The following TMC1 variants were observed in gnomAD, a reference collection of about 807,000 sequenced individuals.
TMC1 encodes transmembrane channel-like protein 1.
TMC1 carries 84 observed loss-of-function variants against 105.8 expected under a neutral mutation model. That is an observed-to-expected ratio of 0.79 (90% CI 0.67 to 0.95). TMC1 has a LOEUF of 0.95. Ranked by LOEUF, TMC1 falls within the 40% of genes least tolerant of loss-of-function variation. The pLI, the probability that TMC1 is intolerant of heterozygous loss-of-function variation, is 0.00. For missense variants in TMC1, 817 were observed against 914.1 expected (o/e 0.89, Z 1.37); for synonymous variants, 315 against 311.5 (o/e 1.01, Z -0.12).
At chr9:72,766,088 T>C (rs1242339028) in intron 12 of TMC1, among the ~76,000 whole-genome samples, 1 of 152,168 alleles carries the variant, frequency 6.6e-6, no homozygotes, top group South Asian at 2.1e-4. Context: ...CTACCAGGCT[T>C]GTATAAAAAA....
At chr9:72,539,339 G>A (rs1823639191) in intron 1 of TMC1, among the ~76,000 whole-genome samples, 1 of 152,108 alleles carries the variant, frequency 6.6e-6, no homozygotes, top group Admixed American at 6.6e-5. Context: ...CTAGGAGATG[G>A]AGGTTTCAAT....
At chr9:72,598,654 T>C (rs979955777) in intron 2 of TMC1, among the ~76,000 whole-genome samples, 2 of 152,190 alleles carry the variant, frequency 1.3e-5, no homozygotes, top group Non-Finnish European at 2.9e-5. Context: ...ATCCTTGCCT[T>C]CTGCCTGCTA....
At chr9:72,779,908 A>G (rs1828064895) in intron 13 of TMC1, among the ~76,000 whole-genome samples, 1 of 152,186 alleles carries the variant, frequency 6.6e-6, no homozygotes, top group East Asian at 1.9e-4. Context: ...CAGAAAATTC[A>G]GAGAACCCCT....
intron 1 of TMC1, among the ~76,000 whole-genome samples, chr9:72,573,551 A>G (rs144856583): frequency 7.4e-4 from 112 of 152,306 alleles, no homozygotes; most frequent in African/African-American, 2.6e-3. Flanking sequence ...AAGAGAACAT[A>G]CCTTGCTTTA....
chr9:72,681,466 G>A (rs530668259), intron 5 of TMC1, among the ~76,000 whole-genome samples: 1 of 152,124 alleles, frequency 6.6e-6, no homozygotes, highest in South Asian at 2.1e-4. Context: ...TAGACTGATG[G>A]TGTCGTGAAA....
chr9:72,615,979 C>T (rs952165861), intron 2 of TMC1, among the ~76,000 whole-genome samples: 5 of 152,038 alleles, frequency 3.3e-5, no homozygotes, highest in African/African-American at 1.2e-4. Flanking sequence ...AACTCTTGAC[C>T]TCAGGTGATT....
chr9:72,797,240 A>G (rs1828386687), intron 17 of TMC1, among the ~76,000 whole-genome samples: 1 of 152,204 alleles, frequency 6.6e-6, no homozygotes. Flanking sequence ...ATGGGAAAAC[A>G]TTCAATGCTC....
Position 72,524,662 on chromosome 9 carries a change from G to A in TMC1, c.-428+2749G>A, listed in dbSNP as rs149941743. On this transcript the variant is annotated intron_variant, in intron 1 of 23. Transcript: ENST00000297784. The stretch of plus-strand genomic sequence containing the variant: ...GAAAGAAAACCGATAAACACAAAAT[G>A]TTGTATCCCATATAAGCATTCATTC... Among the ~76,000 whole-genome samples, 69 of 152,218 alleles carry A rather than the reference G, an allele frequency of 4.5e-4. 2 individuals carry two copies. The East Asian group carries it at 0.012, about 26-fold the overall frequency.
At chr9:72,800,250 T>C (rs1312562392) in intron 17 of TMC1, among the ~76,000 whole-genome samples, 1 of 152,158 alleles carries the variant, frequency 6.6e-6, no homozygotes, top group Non-Finnish European at 1.5e-5. Flanking sequence ...GTCTGTTTTA[T>C]CACAACTAAG....
At position 72,806,648 on chromosome 9, in the gene TMC1, C is replaced by T. The variant is rs1828597611; in HGVS notation, c.1695+1138C>T. Among the ~76,000 whole-genome samples the T allele has an allele frequency of 5.4e-5, 8 of 149,088 alleles. No individual in the cohort carries two copies. The South Asian group carries it at 1.7e-3, about 32-fold the overall frequency. ...GGGTCGCAGCCGGGCAGAGGTGCTC[C>T]TCACATCCCAGATGATGGGCGGCCG... On this transcript the variant is annotated intron_variant, in intron 18 of 23. Transcript: ENST00000297784.
rs1219260501 is a variant in TMC1, at chr9:72,740,110, T to C, written c.363-9T>C. 6.2e-7 allele frequency: 1 copy of C among 1,611,618 alleles called. No homozygotes were observed. On this transcript the variant is annotated splice_polypyrimidine_tract_variant and intron_variant, in intron 8 of 23. Transcript: ENST00000297784. Reference sequence around the variant, plus strand: ...CCTTTTATCCCTTATGTTATTTTTATTTTCTCAGGGAGGCAAAAAAATTTG... The same window carrying C: ...CCTTTTATCCCTTATGTTATTTTTACTTTCTCAGGGAGGCAAAAAAATTTG...
chr9:72,683,733 T>TTATATATATATATATATATATA (rs58007608), intron 5 of TMC1, among the ~76,000 whole-genome samples: 7 of 53,388 alleles, frequency 1.3e-4, no homozygotes, highest in Non-Finnish European at 2.2e-4. Flanking sequence ...GTTACACATT[T>TTATATATATATATATATATATA]TATATATATA....
At chr9:72,776,950 T>C (rs974251069) in intron 13 of TMC1, among the ~76,000 whole-genome samples, 4 of 152,168 alleles carry the variant, frequency 2.6e-5, no homozygotes, top group African/African-American at 9.7e-5. Flanking sequence ...TCTTGTCTGT[T>C]GTTAAATTCC....
chr9:72,580,557 A>AGTGT (rs112783067), intron 2 of TMC1, among the ~76,000 whole-genome samples: 17,596 of 150,098 alleles, frequency 0.12, 1,272 homozygotes, highest in East Asian at 0.34. Context: ...ACAGTGAAGC[A>AGTGT]GTGTGTGTGT....
chr9:72,568,208 A>G (rs1824200726), intron 1 of TMC1, among the ~76,000 whole-genome samples: 1 of 151,958 alleles, frequency 6.6e-6, no homozygotes. Flanking sequence ...CAACCCCCCA[A>G]ACTGAACTTG....
chr9:72,616,078 A>G (rs1825123470), intron 2 of TMC1, among the ~76,000 whole-genome samples: 1 of 152,146 alleles, frequency 6.6e-6, no homozygotes, highest in South Asian at 2.1e-4. Context: ...TTAGGGATGA[A>G]AGTGGAAACT....
At chr9:72,579,737 A>T (rs1002473331) in intron 2 of TMC1, among the ~76,000 whole-genome samples, 1 of 152,108 alleles carries the variant, frequency 6.6e-6, no homozygotes, top group African/African-American at 2.4e-5. Context: ...TGAGGAAAAC[A>T]ATACTTGGGT....
At chr9:72,788,802 A>G (rs1013779696) in intron 14 of TMC1, among the ~76,000 whole-genome samples, 1 of 152,212 alleles carries the variant, frequency 6.6e-6, no homozygotes, top group Admixed American at 6.5e-5. Flanking sequence ...ATTTACAGGA[A>G]TAAGCATAAT....
rs1829143357 is a variant in TMC1, at chr9:72,837,447, A to C, written c.*1474A>C. 6.6e-6 allele frequency: 1 copy of C among 152,138 alleles called. No individual in the cohort carries two copies. The highest frequency in any genetic ancestry group is 1.5e-5 in the Non-Finnish European group (1 of 68,030). The allele number at this position is 152,138 out of a possible 1,614,324, so 9.4% of individuals were successfully genotyped here. On this transcript the variant is annotated 3_prime_UTR_variant, in exon 24 of 24. Coordinates refer to ENST00000297784, the MANE Select transcript of TMC1 (RefSeq NM_138691.3). The stretch of plus-strand genomic sequence containing the variant: ...GTGGGGGGCCTCTCTTGCCCTGCTT[A>C]TGTTTTTATGTTTGCCTAACTACCT...
Sources: allele counts gnomAD v4.1 joint callset (sites outside exome capture counted in the v4.1 genomes callset), GRCh38; gene constraint gnomAD v4.1.1; transcripts MANE v1.5; gene names NCBI Gene and HGNC (gene_info 2026-07-23, HGNC 2026-07-21).